ZNF177: variants seen among roughly 807,000 people sequenced by gnomAD.
ZNF177 encodes the protein zinc finger protein 177.
Under a neutral mutation model 19.4 loss-of-function variants are expected in ZNF177, and 17 were observed. The ratio of observed to expected loss-of-function variants is 0.87; its 90% CI spans 0.60 to 1.31. The LOEUF (loss-of-function observed/expected upper bound fraction) is 1.31. ZNF177 is among the 40% of genes most tolerant of loss of function. ZNF177 has a pLI of 0.00. For missense variants in ZNF177, 633 were observed against 561.8 expected, an observed-to-expected ratio of 1.13 and a Z score of -1.28; for synonymous variants, 220 against 188.7, an observed-to-expected ratio of 1.17 and a Z score of -1.36.
chr19:9,376,794 G>A (rs1282803422), intron 1 of ZNF177, among the ~76,000 whole-genome samples: 4 of 152,026 alleles, frequency 2.6e-5, no homozygotes, highest in Admixed American at 6.5e-5. Context: ...TTACACTAGA[G>A]ATAAGTTATT....
downstream of ZNF177, chr19:9,382,612 G>A (rs142139299): frequency 5.2e-5 from 20 of 386,456 alleles, no homozygotes; most frequent in East Asian, 6.9e-4. Context: ...TTTAGGAATC[G>A]TTCAAGTATG....
At chr19:9,381,779 A>G in exon 6 of ZNF177, 1 of 1,590,490 alleles carries the variant, frequency 6.3e-7, no homozygotes, top group South Asian at 1.1e-5. Flanking sequence ...CATGAATGAA[A>G]TGACTCAGGG....
intron 2 of ZNF177, among the ~76,000 whole-genome samples, chr19:9,367,305 A>G (rs1410555970): frequency 1.3e-5 from 2 of 152,038 alleles, no homozygotes; most frequent in Non-Finnish European, 2.9e-5. Context: ...ACAGACCAAG[A>G]GTGTCTCAAA....
chr19:9,378,645 A>G (rs2068145089), intron 2 of ZNF177: 1 of 573,192 alleles, frequency 1.7e-6, no homozygotes, highest in African/African-American at 1.9e-5. Context: ...TTGCATTCCT[A>G]CAGTATGCCC....
chr19:9,367,377 G>A (rs1343270828), intron 2 of ZNF177, among the ~76,000 whole-genome samples: 1 of 151,918 alleles, frequency 6.6e-6, no homozygotes, highest in Non-Finnish European at 1.5e-5. Context: ...AAGTTTTCAG[G>A]TTGAAAAAAT....
intron 2 of ZNF177, 138 bp from the exon 5 acceptor site, chr19:9,378,824 G>C: frequency 7.6e-7 from 1 of 1,320,796 alleles, no homozygotes; most frequent in Non-Finnish European, 1.0e-6. Context: ...GGCAAATTAA[G>C]AGAAGGCCTC....
chr19:9,379,617 C>A (rs1416884728), exon 4 of ZNF177: 1 of 1,613,124 alleles, frequency 6.2e-7, no homozygotes, highest in Non-Finnish European at 8.5e-7. Flanking sequence ...GGTGACTGTG[C>A]AGGTGAGCCT....
chr19:9,381,838 T>G (rs1246827375), exon 6 of ZNF177: 4 of 1,528,092 alleles, frequency 2.6e-6, no homozygotes, highest in Non-Finnish European at 3.5e-6. Flanking sequence ...GAACATATAT[T>G]GGAGAGAAGC....
At chr19:9,363,337 C>T (rs997360034) in intron 1 of ZNF177, 10 of 152,280 alleles carry the variant, frequency 6.6e-5, no homozygotes, top group African/African-American at 2.4e-4. Context: ...GGCCTTTTCT[C>T]CACTTTCTGT....
exon 6 of ZNF177, chr19:9,382,076 T>G (rs767916448): frequency 2.4e-6 from 1 of 420,318 alleles, no homozygotes; most frequent in Non-Finnish European, 4.2e-6. Context: ...TGACATAGAT[T>G]TGAACATAAT....
At chr19:9,376,539 G>A (rs1029691735) in intron 1 of ZNF177, 116 bp downstream of exon 3, 4 of 152,078 alleles carry the variant, frequency 2.6e-5, no homozygotes, top group Middle Eastern at 3.4e-3. Context: ...GTAGTGATAC[G>A]CTTTGATTTC....
chr19:9,379,395 G>A, intron 3 of ZNF177, 132 bp from the exon 6 acceptor site: 1 of 1,294,244 alleles, frequency 7.7e-7, no homozygotes, highest in Non-Finnish European at 1.0e-6. Context: ...GGCTCTGATT[G>A]TTTTGTTGTT....
upstream of ZNF177, among the ~76,000 whole-genome samples, chr19:9,372,540 C>CTTTTTTTTTTTTTTTT (rs61321271): frequency 1.2e-5 from 1 of 84,576 alleles, no homozygotes; most frequent in Non-Finnish European, 2.0e-5. Flanking sequence ...CTTTCTTTTC[C>CTTTTTTTTTTTTTTTT]TTTTTTTTTT....
At position 9,381,610 on chromosome 19, in the gene ZNF177, A is replaced by T. The variant is rs779675761; in HGVS notation, c.1279A>T (p.Lys427Ter). 2.4e-5 allele frequency: 38 copies of T among 1,614,030 alleles called. No homozygotes were observed. Among genetic ancestry groups the T allele is most frequent in the Non-Finnish European group, 2.9e-5 (34 of 1,180,016 alleles). ...CACTGGTGAGAAAACCTATGAGTGT[A>T]AAGAATGTGGGAAGGCCTTTAGGAA... Residue 427 changes from lysine to a stop codon, truncating the protein, a stop_gained, in exon 6 of 6, where the codon AAA becomes TAA. Transcript: ENST00000589262. LOFTEE classifies it low-confidence loss of function (END_TRUNC).
chr19:9,378,725 A>G (rs1417327809), intron 2 of ZNF177: 6 of 621,938 alleles, frequency 9.6e-6, no homozygotes, highest in South Asian at 3.6e-5. Flanking sequence ...CAAGCCAACC[A>G]TATTTTAGAA....
At chr19:9,382,520 A>G (rs1051242499), downstream of ZNF177, 2 of 397,984 alleles carry the variant, frequency 5.0e-6, no homozygotes, top group Non-Finnish European at 8.9e-6. Context: ...ATTAACTGCC[A>G]TGTGGTTTAA....
intron 3 of ZNF177, 120 bp downstream of exon 5, chr19:9,379,208 C>G: frequency 1.4e-6 from 2 of 1,429,902 alleles, no homozygotes; most frequent in Non-Finnish European, 1.8e-6. Context: ...TGAATGGTCC[C>G]TGCCCTTGAG....
chr19:9,379,186 T>G (rs1044831677), intron 3 of ZNF177, 98 bp downstream of exon 5: 3 of 1,455,144 alleles, frequency 2.1e-6, no homozygotes, highest in Non-Finnish European at 2.7e-6. Context: ...AATACAGTGG[T>G]TAACCCCAAA....
chr19:9,380,042 C>G lies in ZNF177; in HGVS notation c.254-15C>G. ...TTTTCTCCCAATAATTATAAAAATTCCTGTGCTATTTCAGACTGGGAAACT... is the reference window on the plus strand; with the variant it reads ...TTTTCTCCCAATAATTATAAAAATTGCTGTGCTATTTCAGACTGGGAAACT... On this transcript the variant is annotated splice_polypyrimidine_tract_variant and intron_variant, in intron 4 of 5. Coordinates refer to ENST00000589262, the Ensembl canonical transcript of ZNF177. 6.2e-7 allele frequency: 1 copy of G among 1,604,244 alleles called. No homozygotes were observed. Among genetic ancestry groups the G allele is most frequent in the Non-Finnish European group, 8.5e-7 (1 of 1,177,676 alleles).
Sources: allele counts gnomAD v4.1 joint callset (sites outside exome capture counted in the v4.1 genomes callset), GRCh38; gene constraint gnomAD v4.1.1; transcripts MANE v1.5; gene names NCBI Gene and HGNC (gene_info 2026-07-23, HGNC 2026-07-21).